Variants in AUTS2 observed in about 807,000 individuals in gnomAD.
The protein encoded by AUTS2 is autism susceptibility gene 2 protein.
Under a neutral mutation model 112.4 loss-of-function variants are expected in AUTS2, and 17 were observed. That is an observed-to-expected ratio of 0.15 (90% CI 0.10 to 0.23). The LOEUF is 0.23. Ranked by LOEUF, AUTS2 falls within the 10% of genes least tolerant of loss-of-function variation. The pLI is 1.00. For synonymous variants in AUTS2, 751 were observed against 702.7 expected, an observed-to-expected ratio of 1.07 and a Z score of -1.09; for missense variants, 1,510 against 1,701.6, an observed-to-expected ratio of 0.89 and a Z score of 1.98.
At chr7:70,256,601 A>G (rs1439708925) in intron 4 of AUTS2, among the ~76,000 whole-genome samples, 2 of 152,180 alleles carry the variant, frequency 1.3e-5, no homozygotes, top group African/African-American at 4.8e-5. Context: ...AGTTGGTATT[A>G]TCTGCTTGCG....
chr7:70,431,013 A>G (rs1175609566), intron 4 of AUTS2, among the ~76,000 whole-genome samples: 1 of 151,218 alleles, frequency 6.6e-6, no homozygotes, highest in Non-Finnish European at 1.5e-5. Context: ...TTTTTTTTGT[A>G]TTTTTAGTAG....
chr7:69,666,503 CCTA>C (rs1233961633), intron 1 of AUTS2, among the ~76,000 whole-genome samples: 2 of 152,138 alleles, frequency 1.3e-5, no homozygotes, highest in Non-Finnish European at 2.9e-5. Context: ...AAACAGAAAA[CCTA>C]CTTACTTCTA....
At chr7:69,766,881 C>T (rs1219785196) in intron 1 of AUTS2, among the ~76,000 whole-genome samples, 1 of 152,252 alleles carries the variant, frequency 6.6e-6, no homozygotes, top group Non-Finnish European at 1.5e-5. Flanking sequence ...GCATGACAGT[C>T]TCCCACAGAA....
intron 4 of AUTS2, among the ~76,000 whole-genome samples, chr7:70,333,823 G>A (rs964190747): frequency 1.3e-5 from 2 of 152,144 alleles, no homozygotes; most frequent in African/African-American, 4.8e-5. Context: ...GGAGGGCTAG[G>A]GGAGGGATAG....
chr7:69,750,487 G>A (rs1386547916), intron 1 of AUTS2, among the ~76,000 whole-genome samples: 2 of 150,212 alleles, frequency 1.3e-5, no homozygotes, highest in Non-Finnish European at 3.0e-5. Context: ...AGTAGTAGTA[G>A]TAGTAGTAGT....
intron 1 of AUTS2, among the ~76,000 whole-genome samples, chr7:69,874,978 C>T (rs1177782266): frequency 6.6e-6 from 1 of 151,646 alleles, no homozygotes; most frequent in Non-Finnish European, 1.5e-5. Flanking sequence ...TCTGTCAACT[C>T]GTGATGCCTC....
chr7:70,464,900 C>A (rs1045910380), intron 5 of AUTS2, among the ~76,000 whole-genome samples: 1 of 152,180 alleles, frequency 6.6e-6, no homozygotes, highest in African/African-American at 2.4e-5. Context: ...AGTCCCGTTC[C>A]TCTATTTCTG....
intron 4 of AUTS2, among the ~76,000 whole-genome samples, chr7:70,270,748 A>T (rs1428518861): frequency 6.6e-6 from 1 of 152,188 alleles, no homozygotes; most frequent in Non-Finnish European, 1.5e-5. Flanking sequence ...AATAGAGTGC[A>T]GCAGAATGAG....
intron 2 of AUTS2, among the ~76,000 whole-genome samples, chr7:69,957,329 T>A (rs1198251528): frequency 6.6e-6 from 1 of 151,972 alleles, no homozygotes; most frequent in Non-Finnish European, 1.5e-5. Context: ...GACTATATAG[T>A]CATATCTAGT....
intron 1 of AUTS2, among the ~76,000 whole-genome samples, chr7:69,640,013 A>G (rs1046791723): frequency 6.6e-6 from 1 of 152,212 alleles, no homozygotes; most frequent in African/African-American, 2.4e-5. Flanking sequence ...CTTGGGCCTC[A>G]GTTACCTTGT....
intron 5 of AUTS2, among the ~76,000 whole-genome samples, chr7:70,591,321 A>ACCG (rs1802932635): frequency 2.0e-5 from 3 of 151,920 alleles, no homozygotes; most frequent in African/African-American, 2.4e-5. Context: ...GGAAAGTTCC[A>ACCG]AGACCCACAC....
At chr7:70,428,903 G>A (rs1362369950) in intron 4 of AUTS2, among the ~76,000 whole-genome samples, 1 of 152,050 alleles carries the variant, frequency 6.6e-6, no homozygotes, top group East Asian at 1.9e-4. Context: ...TTTCAATTTG[G>A]ACCAGAGTCT....
intron 1 of AUTS2, among the ~76,000 whole-genome samples, chr7:69,864,580 C>T (rs1385091490): frequency 6.6e-6 from 1 of 152,182 alleles, no homozygotes; most frequent in African/African-American, 2.4e-5. Context: ...GGGGCCACAG[C>T]AGCAGGAGCA....
chr7:70,537,292 C>T (rs932315324), intron 5 of AUTS2, among the ~76,000 whole-genome samples: 3 of 152,200 alleles, frequency 2.0e-5, no homozygotes, highest in Admixed American at 6.5e-5. Context: ...TGTGTAGCTA[C>T]ATCCATCCAC....
intron 4 of AUTS2, among the ~76,000 whole-genome samples, chr7:70,319,245 T>C (rs1320709683): frequency 6.6e-6 from 1 of 152,164 alleles, no homozygotes; most frequent in African/African-American, 2.4e-5. Context: ...AAACAGAAGA[T>C]AGCTTTAATC....
chr7:70,089,643 C>T lies in AUTS2; in HGVS notation c.523-28489C>T, dbSNP rs189112683. Among the ~76,000 whole-genome samples the T allele has an allele frequency of 5.5e-4, 83 of 152,050 alleles. 1 individual carries two copies. The highest frequency in any genetic ancestry group is 5.3e-3 in the Admixed American group (81 of 15,266). ...ATATGGTTATGTTTATATATTTTAT[C>T]TTATTTTTTCCTATGTTCCTCTGTA... On this transcript the variant is annotated intron_variant, in intron 2 of 18. Transcript: ENST00000342771.
chr7:69,803,669 G>A (rs1342006292), intron 1 of AUTS2, among the ~76,000 whole-genome samples: 3 of 152,132 alleles, frequency 2.0e-5, no homozygotes, highest in Non-Finnish European at 4.4e-5. Context: ...ACCTGTTCCC[G>A]GGGAGGCCTC....
chr7:70,381,350 C>T (rs764609204), intron 4 of AUTS2, among the ~76,000 whole-genome samples: 4 of 152,134 alleles, frequency 2.6e-5, no homozygotes, highest in Non-Finnish European at 4.4e-5. Flanking sequence ...ATACATTTGT[C>T]AAAACTCAAC....
At chr7:69,877,964 G>A (rs1033345164) in intron 1 of AUTS2, among the ~76,000 whole-genome samples, 1 of 152,128 alleles carries the variant, frequency 6.6e-6, no homozygotes, top group African/African-American at 2.4e-5. Flanking sequence ...GTAAGCAGCA[G>A]GGAGCCATGG....
Sources: gnomAD v4.1 joint callset for allele counts (sites outside exome capture counted in the v4.1 genomes callset) on GRCh38, gnomAD v4.1.1 for gene constraint, MANE v1.5 for transcripts, NCBI Gene and HGNC (gene_info 2026-07-23, HGNC 2026-07-21) for gene names.